Variants in GALNTL6 observed in about 807,000 individuals in gnomAD.
The protein encoded by GALNTL6 is polypeptide N-acetylgalactosaminyltransferase like 6.
GALNTL6 carries 46 observed loss-of-function variants against 73.7 expected under a neutral mutation model. The ratio of observed to expected loss-of-function variants is 0.62; its 90% CI spans 0.49 to 0.80. The LOEUF (loss-of-function observed/expected upper bound fraction) is 0.80, where lower values mean the gene tolerates loss of function less well. GALNTL6 is among the 30% of genes least tolerant of loss of function. The pLI, the probability that GALNTL6 is intolerant of heterozygous loss-of-function variation, is 0.00. For missense variants in GALNTL6, 604 were observed against 755.0 expected (o/e 0.80, Z 2.34); for synonymous variants, 259 against 263.7 (o/e 0.98, Z 0.17).
intron 5 of GALNTL6, among the ~76,000 whole-genome samples, chr4:172,432,716 T>G (rs1037767166): frequency 7.9e-5 from 12 of 152,018 alleles, no homozygotes; most frequent in African/African-American, 2.9e-4. Context: ...GTAAATTATA[T>G]CTCCATAAAT....
chr4:172,115,417 T>C (rs867841917), intron 2 of GALNTL6, among the ~76,000 whole-genome samples: 2 of 152,170 alleles, frequency 1.3e-5, no homozygotes, highest in African/African-American at 2.4e-5. Flanking sequence ...GTGAAGATGA[T>C]GTAAAATTGA....
chr4:172,772,480 T>C (rs1046570220), intron 5 of GALNTL6, among the ~76,000 whole-genome samples: 2 of 152,186 alleles, frequency 1.3e-5, no homozygotes, highest in Non-Finnish European at 2.9e-5. Context: ...AAATATTCCC[T>C]AACATTATAG....
intron 8 of GALNTL6, among the ~76,000 whole-genome samples, chr4:172,914,244 G>A (rs1351774622): frequency 2.0e-5 from 3 of 152,174 alleles, no homozygotes; most frequent in Non-Finnish European, 4.4e-5. Context: ...AGCTCCTGAA[G>A]GAAGCACTAA....
At chr4:172,189,531 T>C (rs1405687959) in intron 2 of GALNTL6, among the ~76,000 whole-genome samples, 1 of 152,144 alleles carries the variant, frequency 6.6e-6, no homozygotes, top group Admixed American at 6.5e-5. Flanking sequence ...GTGATGGGGT[T>C]ACCTTCATTG....
At chr4:172,912,353 A>C (rs73002060) in intron 8 of GALNTL6, among the ~76,000 whole-genome samples, 4,613 of 152,296 alleles carry the variant, frequency 0.03, 180 homozygotes, top group African/African-American at 0.085. Flanking sequence ...TACCAGATTC[A>C]TCTCACTGGG....
chr4:172,680,537 A>G (rs1732578191), intron 5 of GALNTL6, among the ~76,000 whole-genome samples: 1 of 152,152 alleles, frequency 6.6e-6, no homozygotes, highest in Admixed American at 6.5e-5. Context: ...GAGCAGCTGT[A>G]TGAATTTAGG....
chr4:172,727,660 T>C (rs1735898983), intron 5 of GALNTL6, among the ~76,000 whole-genome samples: 1 of 152,168 alleles, frequency 6.6e-6, no homozygotes. Flanking sequence ...TAACTCAATT[T>C]GTTGTGTTGT....
intron 7 of GALNTL6, among the ~76,000 whole-genome samples, chr4:172,844,379 A>G (rs1388536659): frequency 1.3e-5 from 2 of 152,188 alleles, no homozygotes; most frequent in Non-Finnish European, 2.9e-5. Flanking sequence ...TTTCACAGAG[A>G]AAAAACAGTG....
intron 8 of GALNTL6, among the ~76,000 whole-genome samples, chr4:172,889,173 G>T (rs1356777034): frequency 1.3e-5 from 2 of 152,074 alleles, no homozygotes; most frequent in Non-Finnish European, 2.9e-5. Flanking sequence ...AGTCTGCGGG[G>T]TTTTCTAAGC....
chr4:172,959,034 A>G (rs1749905025), intron 10 of GALNTL6, among the ~76,000 whole-genome samples: 2 of 152,188 alleles, frequency 1.3e-5, no homozygotes, highest in Admixed American at 6.5e-5. Flanking sequence ...TGGAGAGTTT[A>G]TAGGCTTTAA....
intron 5 of GALNTL6, among the ~76,000 whole-genome samples, chr4:172,357,337 A>C (rs2111231617): frequency 6.6e-6 from 1 of 152,194 alleles, no homozygotes; most frequent in Admixed American, 6.5e-5. Flanking sequence ...TTTATCCTGG[A>C]AAAAGTGTTA....
chr4:172,166,390 G>A (rs1453798105), intron 2 of GALNTL6, among the ~76,000 whole-genome samples: 1 of 151,854 alleles, frequency 6.6e-6, no homozygotes, highest in Non-Finnish European at 1.5e-5. Context: ...AGGTTGCAGT[G>A]AGCCGAGATC....
At chr4:172,046,763 G>T (rs1742233583) in intron 2 of GALNTL6, among the ~76,000 whole-genome samples, 1 of 151,926 alleles carries the variant, frequency 6.6e-6, no homozygotes, top group Non-Finnish European at 1.5e-5. Context: ...TATATATCTT[G>T]TATGATTACC....
chr4:172,060,688 T>C (rs1320633425), intron 2 of GALNTL6, among the ~76,000 whole-genome samples: 3 of 152,210 alleles, frequency 2.0e-5, no homozygotes, highest in African/African-American at 4.8e-5. Context: ...TAGTTTTCTA[T>C]GTATATCAGG....
chr4:172,182,405 A>G, intron 2 of GALNTL6, among the ~76,000 whole-genome samples: 1 of 152,148 alleles, frequency 6.6e-6, no homozygotes, highest in Non-Finnish European at 1.5e-5. Context: ...AGCTGCTTCA[A>G]CTTAAGCCAC....
At chr4:172,267,465 G>A (rs1247442227) in intron 3 of GALNTL6, among the ~76,000 whole-genome samples, 3 of 152,030 alleles carry the variant, frequency 2.0e-5, no homozygotes, top group East Asian at 3.9e-4. Flanking sequence ...ATTTTTATTG[G>A]TTCTTTTAGG....
chr4:171,915,916 T>C (rs1337196109), intron 2 of GALNTL6, among the ~76,000 whole-genome samples: 1 of 152,106 alleles, frequency 6.6e-6, no homozygotes, highest in Non-Finnish European at 1.5e-5. Flanking sequence ...CCAATGTTTA[T>C]ATTGTAACTG....
At chr4:172,305,718 A>G (rs566849849) in intron 3 of GALNTL6, among the ~76,000 whole-genome samples, 1 of 152,212 alleles carries the variant, frequency 6.6e-6, no homozygotes, top group Admixed American at 6.5e-5. Context: ...TAGAATTTGC[A>G]GTAAAAACTG....
intron 5 of GALNTL6, among the ~76,000 whole-genome samples, chr4:172,441,895 G>T (rs1336569177): frequency 2.4e-5 from 1 of 41,396 alleles, no homozygotes; most frequent in African/African-American, 8.4e-5. Flanking sequence ...CATGAGATAA[G>T]AATTGATTTT....
Sources: gnomAD v4.1 joint callset for allele counts (sites outside exome capture counted in the v4.1 genomes callset) on GRCh38, gnomAD v4.1.1 for gene constraint, MANE v1.5 for transcripts, NCBI Gene and HGNC (gene_info 2026-07-23, HGNC 2026-07-21) for gene names.